ANLN: variants seen among roughly 807,000 people sequenced by gnomAD.
The protein encoded by ANLN is anillin.
In ANLN, 59 loss-of-function variants were observed where a neutral mutation model predicts 135.1. That is an observed-to-expected ratio of 0.44 (90% CI 0.35 to 0.54). ANLN has a LOEUF of 0.54. Among genes scored for constraint, ANLN ranks in the 20% least tolerant of loss-of-function variants. The pLI, the probability that ANLN is intolerant of heterozygous loss-of-function variation, is 0.00. For missense variants in ANLN, 1,182 were observed against 1,340.0 expected, an observed-to-expected ratio of 0.88 and a Z score of 1.84; for synonymous variants, 406 against 456.4, an observed-to-expected ratio of 0.89 and a Z score of 1.41.
In ANLN at chr7:36,419,907, T is replaced by G. The variant is rs144836548; in HGVS notation, c.1870-262T>G. Among the ~76,000 whole-genome samples, 39 of 152,338 alleles carry G rather than the reference T, an allele frequency of 2.6e-4. No homozygotes were observed. The East Asian group carries it at 7.5e-3, about 29-fold the overall frequency. On this transcript the variant is annotated intron_variant, in intron 10 of 23. Coordinates refer to ENST00000265748, the MANE Select transcript of ANLN (RefSeq NM_018685.5). ...TTTAGTTACAGCTAACTGCTGTTAT[T>G]AGCTTTCACCCTCAATTGAATAACT...
chr7:36,451,154 C>T (rs1397024254), intron 23 of ANLN, among the ~76,000 whole-genome samples: 1 of 152,234 alleles, frequency 6.6e-6, no homozygotes, highest in Non-Finnish European at 1.5e-5. Context: ...AAACATTCTG[C>T]AGTTCTGCAT....
At chr7:36,419,154 A>T in intron 9 of ANLN, 90 bp from the exon 10 acceptor site, 1 of 854,274 alleles carries the variant, frequency 1.2e-6, no homozygotes, top group African/African-American at 1.7e-5. Context: ...TTTCCTATTT[A>T]GTAAGAATAT....
intron 8 of ANLN, among the ~76,000 whole-genome samples, 196 bp from the exon 9 acceptor site, chr7:36,416,884 T>A (rs1235412181): frequency 6.6e-6 from 1 of 151,886 alleles, no homozygotes; most frequent in East Asian, 1.9e-4. Context: ...CAAAATAAAT[T>A]TGCAACCTCC....
At chr7:36,427,175 G>A (rs535200516) in intron 20 of ANLN, 147 bp downstream of exon 20, 34 of 504,682 alleles carry the variant, frequency 6.7e-5, no homozygotes, top group African/African-American at 5.1e-4. Context: ...TGCTAGGTAT[G>A]AGTGTACCTA....
At chr7:36,392,808 C>G (rs56326365) in intron 1 of ANLN, among the ~76,000 whole-genome samples, 1 of 151,648 alleles carries the variant, frequency 6.6e-6, no homozygotes, top group Non-Finnish European at 1.5e-5. Flanking sequence ...CATTCATATA[C>G]GTTTGAATGA....
intron 3 of ANLN, among the ~76,000 whole-genome samples, chr7:36,399,677 C>T (rs769546950): frequency 1.3e-5 from 2 of 152,080 alleles, no homozygotes; most frequent in African/African-American, 2.4e-5. Flanking sequence ...ACAAACTATA[C>T]GTGTTGTTAG....
intron 1 of ANLN, chr7:36,390,362 C>A: frequency 2.5e-6 from 1 of 406,170 alleles, no homozygotes; most frequent in Non-Finnish European, 4.5e-6. Context: ...AAGAGTGAGG[C>A]GCAGGCCTGC....
rs1789299858 is a variant in ANLN, at chr7:36,452,743, A to G, written c.*143A>G. The G allele has an allele frequency of 2.3e-6, 2 of 878,076 alleles. No individual in the cohort carries two copies. The highest frequency in any genetic ancestry group is 2.6e-5 in the Admixed American group (1 of 38,914). The allele number at this position is 878,076 out of a possible 1,614,324, so 54.4% of individuals were successfully genotyped here. On this transcript the variant is annotated 3_prime_UTR_variant, in exon 24 of 24. Transcript: ENST00000265748. ...ATTCACTACGTATTATGCAGTATTT[A>G]TATCTTTTGTATGTAAAACTTTAAC...
chr7:36,434,334 CA>C (rs1788439314), intron 20 of ANLN, among the ~76,000 whole-genome samples: 1 of 152,182 alleles, frequency 6.6e-6, no homozygotes, highest in African/African-American at 2.4e-5. Flanking sequence ...GCTTTTTAGA[CA>C]TGTCTTCAAC....
chr7:36,396,042 T>C (rs1322408199), intron 1 of ANLN, among the ~76,000 whole-genome samples: 1 of 152,228 alleles, frequency 6.6e-6, no homozygotes, highest in Non-Finnish European at 1.5e-5. Flanking sequence ...TTAAAAATCT[T>C]ATATAACTAA....
chr7:36,398,990 G>T (rs1400883698), intron 2 of ANLN, 89 bp from the exon 3 acceptor site: 33 of 1,031,440 alleles, frequency 3.2e-5, no homozygotes, highest in Non-Finnish European at 4.3e-5. Flanking sequence ...GAGGGGTGAT[G>T]TTTTATTAAT....
At chr7:36,441,830 G>T (rs933143407) in intron 21 of ANLN, among the ~76,000 whole-genome samples, 6 of 152,216 alleles carry the variant, frequency 3.9e-5, no homozygotes, top group African/African-American at 9.6e-5. Flanking sequence ...GAGGGAGCTG[G>T]TGAGTGATTT....
intron 23 of ANLN, among the ~76,000 whole-genome samples, chr7:36,450,078 A>T (rs1789182707): frequency 6.6e-6 from 1 of 152,216 alleles, no homozygotes; most frequent in South Asian, 2.1e-4. Flanking sequence ...CTCACAGTGG[A>T]GGCATTTTCA....
Position 36,433,897 on chromosome 7 carries a change from A to AATTC in ANLN, c.2884-5306_2884-5305insTTCA, listed in dbSNP as rs1034935934. ...TTTTATGGTTTCAATTTCTCTGCTG[A>AATTC]AGTTCTCCATTTTCTCACTAATTTT... On this transcript the variant is annotated intron_variant, in intron 20 of 23. Transcript: ENST00000265748. Among the ~76,000 whole-genome samples the AATTC allele has an allele frequency of 9.2e-5, 14 of 152,088 alleles. No individual in the cohort carries two copies. The East Asian group carries it at 2.7e-3, about 29-fold the overall frequency.
rs150551001 is a variant in ANLN, at chr7:36,422,795, C to T, written c.2462C>T (p.Thr821Met). 3.2e-4 allele frequency: 508 copies of T among 1,604,012 alleles called. No individual in the cohort carries two copies. The highest frequency in any genetic ancestry group is 9.3e-4 in the South Asian group (83 of 88,828). Residue 821 changes from threonine (T) to methionine (M), a missense_variant, in exon 14 of 24, where the codon ACG (threonine) becomes ATG (methionine). Physicochemically the swap from Thr to Met is moderately conservative, Grantham distance 81. Around this residue, in one of 3 missense-constraint regions of ANLN, gnomAD observed 1,022 missense variants for 1,134.0 expected, o/e 0.90. Transcript: ENST00000265748. ...CTAAAAGCAGATTTTGTCTGCAGTA[C>T]GGTTCAGAAACCAGGTATGGTGGTG... ...LPLKADFVCS[T>M]VQKPDAANYY...
intron 7 of ANLN, among the ~76,000 whole-genome samples, chr7:36,413,968 T>A (rs1249787950): frequency 6.6e-6 from 1 of 150,976 alleles, no homozygotes; most frequent in Non-Finnish European, 1.5e-5. Flanking sequence ...CACTCCAGTC[T>A]GGGCAATGGA....
At chr7:36,449,487 G>A (rs1211071681) in intron 22 of ANLN, 178 bp from the exon 23 acceptor site, 6 of 489,584 alleles carry the variant, frequency 1.2e-5, no homozygotes, top group African/African-American at 1.2e-4. Flanking sequence ...TTATTTTTAT[G>A]TCTAGCTAGG....
intron 20 of ANLN, among the ~76,000 whole-genome samples, chr7:36,435,347 T>C (rs1394158620): frequency 6.6e-6 from 1 of 151,204 alleles, no homozygotes. Context: ...TTGTTTTTAT[T>C]TTTTATTTTT....
At chr7:36,408,066 A>G (rs554496918) in intron 5 of ANLN, 110 bp downstream of exon 5, 10 of 833,386 alleles carry the variant, frequency 1.2e-5, no homozygotes, top group African/African-American at 3.4e-5. Context: ...GCCAGGGCCA[A>G]TGCCTGAATG....
Sources: gnomAD v4.1 joint callset for allele counts (sites outside exome capture counted in the v4.1 genomes callset) on GRCh38, gnomAD v4.1.1 for gene constraint, gnomAD v4.1.1 regional missense constraint, MANE v1.5 for transcripts, NCBI Gene and HGNC (gene_info 2026-07-23, HGNC 2026-07-21) for gene names.